The following GABBR2 variants were observed in gnomAD, a reference collection of about 807,000 sequenced individuals.
GABBR2 encodes G-protein coupled receptor 51.
In GABBR2, 23 loss-of-function variants were observed where a neutral mutation model predicts 105.6. The ratio of observed to expected loss-of-function variants is 0.22; its 90% confidence interval spans 0.16 to 0.31. The LOEUF (loss-of-function observed/expected upper bound fraction) is 0.31, where lower values mean the gene tolerates loss of function less well. Ranked by LOEUF, GABBR2 falls within the 10% of genes least tolerant of loss-of-function variation. GABBR2 has a pLI of 1.00. For synonymous variants in GABBR2, 478 were observed against 499.7 expected (o/e 0.96, Z 0.58); for missense variants, 734 against 1,245.5 (o/e 0.59, Z 6.18).
intron 3 of GABBR2, among the ~76,000 whole-genome samples, chr9:98,535,646 T>TG (rs958691012): frequency 2.6e-5 from 4 of 152,122 alleles, no homozygotes; most frequent in Non-Finnish European, 5.9e-5. Flanking sequence ...CATGGGGGTC[T>TG]GGGAACCAAT....
intron 1 of GABBR2, among the ~76,000 whole-genome samples, chr9:98,621,484 G>A (rs941902418): frequency 5.3e-5 from 8 of 152,132 alleles, no homozygotes; most frequent in South Asian, 2.1e-4. Context: ...CCTCCACCTC[G>A]TCAGTCAGCT....
In GABBR2 at chr9:98,337,363, C is replaced by T. The variant is rs139352243; in HGVS notation, c.1893+25352G>A. Among the ~76,000 whole-genome samples the T allele has an allele frequency of 3.2e-3, 481 of 152,224 alleles. 3 individuals carry two copies. Among genetic ancestry groups the T allele is most frequent in the African/African-American group, 0.011 (464 of 41,550 alleles). ...AAGACCTAAATAAATGAAAAGATAG[C>T]CCATGTTCATGAATTGGAAGACAAT... On this transcript the variant is annotated intron_variant, in intron 13 of 18. Coordinates refer to ENST00000259455, the MANE Select transcript of GABBR2 (RefSeq NM_005458.8).
intron 11 of GABBR2, 54 bp downstream of exon 11, chr9:98,385,586 G>C: frequency 1.3e-6 from 2 of 1,488,076 alleles, no homozygotes; most frequent in Non-Finnish European, 1.9e-6. Flanking sequence ...CGATGACTGA[G>C]GTCACCAAGG....
chr9:98,619,753 A>G (rs186851954), intron 1 of GABBR2, among the ~76,000 whole-genome samples: 12 of 152,244 alleles, frequency 7.9e-5, no homozygotes, highest in Admixed American at 7.2e-4. Flanking sequence ...ATAGTGTATG[A>G]TGTTTTTCAC....
chr9:98,615,897 T>C (rs1471973703), intron 1 of GABBR2, among the ~76,000 whole-genome samples: 1 of 152,148 alleles, frequency 6.6e-6, no homozygotes, highest in African/African-American at 2.4e-5. Flanking sequence ...TTCTGTCATC[T>C]ATGAACTAGG....
At chr9:98,294,552 C>T (rs1830351353) in intron 17 of GABBR2, among the ~76,000 whole-genome samples, 1 of 151,028 alleles carries the variant, frequency 6.6e-6, no homozygotes, top group African/African-American at 2.4e-5. Flanking sequence ...TATCTTGGCT[C>T]ACTGCAACTT....
chr9:98,384,475 A>G (rs961897751), intron 11 of GABBR2, among the ~76,000 whole-genome samples: 1 of 152,170 alleles, frequency 6.6e-6, no homozygotes, highest in Non-Finnish European at 1.5e-5. Flanking sequence ...CTGTAGTCCC[A>G]GCTACTCAGG....
chr9:98,664,995 G>A (rs1830314761), intron 1 of GABBR2, among the ~76,000 whole-genome samples: 1 of 151,932 alleles, frequency 6.6e-6, no homozygotes. Flanking sequence ...AGCCAGGCAT[G>A]GTGGCATGTA....
chr9:98,612,238 A>T (rs1369153588), intron 1 of GABBR2, among the ~76,000 whole-genome samples: 1 of 152,270 alleles, frequency 6.6e-6, no homozygotes, highest in Non-Finnish European at 1.5e-5. Flanking sequence ...GTTTGGTTCC[A>T]GAGGAAAGGA....
intron 13 of GABBR2, among the ~76,000 whole-genome samples, chr9:98,328,978 A>G (rs1830975050): frequency 6.6e-6 from 1 of 152,218 alleles, no homozygotes; most frequent in Non-Finnish European, 1.5e-5. Context: ...CCTTATCATT[A>G]CCATCTGTAA....
At chr9:98,477,605 A>C (rs1027432752) in intron 5 of GABBR2, among the ~76,000 whole-genome samples, 5 of 152,166 alleles carry the variant, frequency 3.3e-5, no homozygotes, top group Non-Finnish European at 5.9e-5. Context: ...ATTGCATGAG[A>C]GTGGGCCATC....
At chr9:98,664,012 CATA>C (rs759623551) in intron 1 of GABBR2, among the ~76,000 whole-genome samples, 2 of 152,158 alleles carry the variant, frequency 1.3e-5, no homozygotes, top group Non-Finnish European at 2.9e-5. Flanking sequence ...AGGTCCAGAT[CATA>C]ATGAGTCTAC....
chr9:98,557,924 C>T (rs1828612372), intron 2 of GABBR2, among the ~76,000 whole-genome samples: 1 of 152,166 alleles, frequency 6.6e-6, no homozygotes, highest in African/African-American at 2.4e-5. Context: ...ATTACAGGTT[C>T]ATCAAAGAGT....
chr9:98,681,688 A>G (rs1227658478), intron 1 of GABBR2, among the ~76,000 whole-genome samples: 1 of 152,208 alleles, frequency 6.6e-6, no homozygotes, highest in African/African-American at 2.4e-5. Context: ...ATTATTTTTT[A>G]TAAAATCAGC....
At chr9:98,342,474 A>G (rs1026799064) in intron 13 of GABBR2, among the ~76,000 whole-genome samples, 8 of 152,098 alleles carry the variant, frequency 5.3e-5, no homozygotes, top group Non-Finnish European at 1.2e-4. Flanking sequence ...AAAATTTTAA[A>G]CAGGAGAATG....
chr9:98,675,473 A>T (rs1334723924), intron 1 of GABBR2, among the ~76,000 whole-genome samples: 4 of 152,158 alleles, frequency 2.6e-5, no homozygotes, highest in Admixed American at 2.6e-4. Context: ...AAGGAAAAGG[A>T]GTGGTTAGAG....
chr9:98,483,024 C>A lies in GABBR2; in HGVS notation c.733-2027G>T, dbSNP rs1030176456. Among the ~76,000 whole-genome samples, 9 of 152,064 alleles carry A rather than the reference C, an allele frequency of 5.9e-5. No individual in the cohort carries two copies. In the East Asian group the frequency reaches 7.7e-4, roughly 13 times the overall value. ...GCTGTGGACTCCAAATCTCTCCCCC[C>A]AGCCTCAGATTTTCTCCAGTTTCCC... On this transcript the variant is annotated intron_variant, in intron 4 of 18. Coordinates refer to ENST00000259455, the MANE Select transcript of GABBR2 (RefSeq NM_005458.8).
intron 1 of GABBR2, among the ~76,000 whole-genome samples, chr9:98,638,729 G>T (rs1389585554): frequency 6.6e-6 from 1 of 152,152 alleles, no homozygotes; most frequent in Admixed American, 6.5e-5. Context: ...CTAAAGGAAT[G>T]CCCCAAACCT....
chr9:98,489,312 G>A (rs1827125889), intron 4 of GABBR2, among the ~76,000 whole-genome samples: 1 of 152,194 alleles, frequency 6.6e-6, no homozygotes. Context: ...AGAAGAGGCT[G>A]TGATAAGATG....
Sources: gnomAD v4.1 joint callset for allele counts (sites outside exome capture counted in the v4.1 genomes callset) on GRCh38, gnomAD v4.1.1 for gene constraint, MANE v1.5 for transcripts, NCBI Gene and HGNC (gene_info 2026-07-23, HGNC 2026-07-21) for gene names.